Variants in SLC38A11 observed in about 807,000 individuals in gnomAD.
The protein encoded by SLC38A11 is putative sodium-coupled neutral amino acid transporter 11.
Under a neutral mutation model 49.4 loss-of-function variants are expected in SLC38A11, and 51 were observed. The ratio of observed to expected loss-of-function variants is 1.03; its 90% CI spans 0.83 to 1.30. The LOEUF is 1.30. Ranked by LOEUF, SLC38A11 falls within the 50% of genes most tolerant of loss-of-function variation. The pLI, the probability that SLC38A11 is intolerant of heterozygous loss-of-function variation, is 0.00. For synonymous variants in SLC38A11, 203 were observed against 192.9 expected, an observed-to-expected ratio of 1.05 and a Z score of -0.43; for missense variants, 574 against 556.2, an observed-to-expected ratio of 1.03 and a Z score of -0.32.
chr2:164,939,961 A>G (rs1687638081), intron 5 of SLC38A11, among the ~76,000 whole-genome samples: 1 of 150,052 alleles, frequency 6.7e-6, no homozygotes, highest in Admixed American at 6.7e-5. Context: ...TCAGGTAGAA[A>G]GTAAGCTATA....
intron 11 of SLC38A11, 110 bp from the exon 12 acceptor site, chr2:164,898,840 G>GC: frequency 1.6e-5 from 16 of 1,013,210 alleles, no homozygotes; most frequent in Non-Finnish European, 2.2e-5. Context: ...TTAAACATGT[G>GC]ATAGGTTCAG....
chr2:164,926,561 C>T (rs1686600747), intron 7 of SLC38A11, among the ~76,000 whole-genome samples: 1 of 151,484 alleles, frequency 6.6e-6, no homozygotes, highest in African/African-American at 2.4e-5. Flanking sequence ...GACACATGCA[C>T]ACGTATGTTT....
chr2:164,939,507 G>A lies in SLC38A11; in HGVS notation c.480C>T (p.Ser160=), dbSNP rs201469053. 27 of 1,610,450 alleles carry A rather than the reference G, an allele frequency of 1.7e-5. No homozygotes were observed. Among genetic ancestry groups the A allele is most frequent in the Non-Finnish European group, 1.9e-5 (22 of 1,177,952 alleles). Residue 160 remains serine, a synonymous_variant, in exon 6 of 12, where the codon TCC becomes TCT. Coordinates refer to ENST00000685975, the MANE Select transcript of SLC38A11 (RefSeq NM_001351537.2). ...ATAAAGGCAGAGTAAAGGTAACTGT[G>A]GAAAGTCCAATAATGAAGTGGCGAC... The part of the protein sequence containing the change: ...FIGRHFIIGL[S]TVTFTLPLSL...
At chr2:164,925,606 A>AT (rs1686517620) in intron 7 of SLC38A11, among the ~76,000 whole-genome samples, 1 of 152,108 alleles carries the variant, frequency 6.6e-6, no homozygotes, top group Admixed American at 6.6e-5. Context: ...TATACTATAT[A>AT]TTTTTTCCAG....
Position 164,923,331 on chromosome 2 carries a change from A to C in SLC38A11, c.618-7358T>G, listed in dbSNP as rs1435751339. Among the ~76,000 whole-genome samples, 3 of 152,212 alleles carry C rather than the reference A, an allele frequency of 2.0e-5. No homozygotes were observed. The South Asian group carries it at 6.2e-4, about 31-fold the overall frequency. ...GATATTTACAAACTCTGTATATGAC[A>C]AAGTTCCAATATCCAGAATCTGTAA... On this transcript the variant is annotated intron_variant, in intron 7 of 11. Coordinates refer to ENST00000685975, the MANE Select transcript of SLC38A11 (RefSeq NM_001351537.2).
intron 11 of SLC38A11, among the ~76,000 whole-genome samples, chr2:164,898,981 A>G (rs543958169): frequency 3.7e-4 from 57 of 152,296 alleles, no homozygotes; most frequent in Non-Finnish European, 2.9e-4. Context: ...AGAAAATATT[A>G]TCACAAAATA....
rs1573914532 is a variant in SLC38A11 at position 164,916,070 on chromosome 2, G to A, written c.618-97C>T. ...ATGGTATCACAAATATAAACTGAGT[G>A]TCTTTAAGCCAGAAATTAATAAGGG... On this transcript the variant is annotated intron_variant, in intron 7 of 11. Coordinates refer to ENST00000685975, the MANE Select transcript of SLC38A11 (RefSeq NM_001351537.2). 16 of 785,876 alleles carry A rather than the reference G, an allele frequency of 2.0e-5. No individual in the cohort carries two copies. In the East Asian group the frequency reaches 4.0e-4, roughly 19 times the overall value. The allele number at this position is 785,876 out of a possible 1,614,324, so 48.7% of individuals were successfully genotyped here.
At chr2:164,907,185 A>G (rs777002904) in intron 11 of SLC38A11, among the ~76,000 whole-genome samples, 5 of 151,870 alleles carry the variant, frequency 3.3e-5, no homozygotes, top group Admixed American at 6.6e-5. Context: ...TGTCTTCCCA[A>G]TGGAATCTGT....
At chr2:164,905,267 G>A (rs1416539349) in intron 11 of SLC38A11, among the ~76,000 whole-genome samples, 2 of 151,876 alleles carry the variant, frequency 1.3e-5, no homozygotes, top group African/African-American at 4.8e-5. Context: ...ACAGGCATGT[G>A]CCACCACACC....
rs117155466 is a variant in SLC38A11 at position 164,921,469 on chromosome 2, A to G, written c.618-5496T>C. On this transcript the variant is annotated intron_variant, in intron 7 of 11. Coordinates refer to ENST00000685975, the MANE Select transcript of SLC38A11 (RefSeq NM_001351537.2). ...CCCAAGTAAGCTGGACTATAGGTAC[A>G]TGCCACCACACTTGGCTATATTTTT... 5.3e-4 allele frequency among the ~76,000 whole-genome samples: 81 copies of G among 151,664 alleles called. 1 individual carries two copies. In the East Asian group the frequency reaches 0.015, roughly 29 times the overall value.
chr2:164,922,057 A>T (rs947105882), intron 7 of SLC38A11: 4 of 152,206 alleles, frequency 2.6e-5, no homozygotes, highest in African/African-American at 9.6e-5. Flanking sequence ...TTTGAAAGAC[A>T]AACTCTTATC....
intron 7 of SLC38A11, among the ~76,000 whole-genome samples, chr2:164,921,780 C>T (rs927008869): frequency 6.6e-6 from 1 of 152,110 alleles, no homozygotes; most frequent in Admixed American, 6.5e-5. Flanking sequence ...ATCATTTTAA[C>T]AGCAATGATT....
intron 7 of SLC38A11, among the ~76,000 whole-genome samples, chr2:164,922,448 T>G (rs574892627): frequency 2.0e-5 from 3 of 152,220 alleles, no homozygotes; most frequent in African/African-American, 7.2e-5. Flanking sequence ...CTCTGTCACT[T>G]CCTCACTCTC....
At position 164,954,648 on chromosome 2, in the gene SLC38A11, A is replaced by G; in HGVS notation, c.137T>C (p.Ile46Thr). 1 of 1,529,222 alleles carries G rather than the reference A, an allele frequency of 6.5e-7. No individual in the cohort carries two copies. Among genetic ancestry groups the G allele is most frequent in the Non-Finnish European group, 8.8e-7 (1 of 1,133,844 alleles). The allele number at this position is 1,529,222 out of a possible 1,614,324, so 94.7% of individuals were successfully genotyped here. A position where few individuals can be genotyped will look rare whatever the true frequency, so the allele number is the denominator to read the frequency against. The change falls in exon 2 of 12, where the codon ATA (isoleucine) becomes ACA (threonine). Residue 46 changes from isoleucine to threonine, a missense_variant. Ile to Thr is a moderately conservative substitution (Grantham distance 89). Coordinates refer to ENST00000685975, the MANE Select transcript of SLC38A11 (RefSeq NM_001351537.2). ...AALFNVVNSI[I>T]GSGIIGLPYS... is the part of the protein sequence containing the mutation. ...ACACTTACCTATTATACCAGATCCTATAATCGAGTTGACAACATTAAAAAG... is the reference window on the plus strand; with the variant it reads ...ACACTTACCTATTATACCAGATCCTGTAATCGAGTTGACAACATTAAAAAG...
chr2:164,907,337 C>T (rs777157228), intron 11 of SLC38A11, among the ~76,000 whole-genome samples: 2 of 133,842 alleles, frequency 1.5e-5, no homozygotes, highest in Admixed American at 1.7e-4. Flanking sequence ...GCAGTGGTGC[C>T]ATCTCAGCTC....
rs1439424992 is a variant in SLC38A11 at position 164,911,685 on chromosome 2, C to T, written c.914G>A (p.Gly305Asp). The change falls in exon 10 of 12, where the codon GGT becomes GAT. Residue 305 changes from glycine to aspartate, a missense_variant. Gly to Asp is a moderately conservative substitution (Grantham distance 94, BLOSUM62 -1). Coordinates refer to ENST00000685975, the MANE Select transcript of SLC38A11 (RefSeq NM_001351537.2). ...DLVTFGRFCY[G>D]VTVILTYPME... Reference sequence around the variant, plus strand: ...AGGGTATGTCAAAATGACAGTGACACCATAACAAAATCTTCCAAATGTTAC... The same window carrying T: ...AGGGTATGTCAAAATGACAGTGACATCATAACAAAATCTTCCAAATGTTAC... The T allele has an allele frequency of 6.2e-7, 1 of 1,607,560 alleles. No homozygotes were observed. Among genetic ancestry groups the T allele is most frequent in the Admixed American group, 1.7e-5 (1 of 59,052 alleles).
intron 11 of SLC38A11, among the ~76,000 whole-genome samples, chr2:164,907,417 G>A (rs1275788269): frequency 6.6e-6 from 1 of 150,900 alleles, no homozygotes; most frequent in African/African-American, 2.4e-5. Flanking sequence ...GGGACTACAG[G>A]CACATGCCAC....
At chr2:164,918,259 C>T (rs538853904) in intron 7 of SLC38A11, among the ~76,000 whole-genome samples, 23 of 151,828 alleles carry the variant, frequency 1.5e-4, no homozygotes, top group South Asian at 1.0e-3. Context: ...ATTATGACTA[C>T]GAATATTTTT....
At chr2:164,955,092 G>A (rs1251236736) in intron 1 of SLC38A11, 117 bp downstream of exon 1, 4 of 928,882 alleles carry the variant, frequency 4.3e-6, no homozygotes, top group Non-Finnish European at 6.6e-6. Context: ...TTGTCCCAGA[G>A]AACTTTTCGC....
Sources: gnomAD v4.1 joint callset for allele counts (sites outside exome capture counted in the v4.1 genomes callset) on GRCh38, gnomAD v4.1.1 for gene constraint, MANE v1.5 for transcripts, NCBI Gene and HGNC (gene_info 2026-07-23, HGNC 2026-07-21) for gene names.